Variants in FTO observed in about 807,000 individuals in gnomAD.
The protein encoded by FTO is alpha-ketoglutarate-dependent dioxygenase FTO.
In FTO, 47 loss-of-function variants were observed where a neutral mutation model predicts 63.9. The ratio of observed to expected loss-of-function variants is 0.74; its 90% CI spans 0.58 to 0.94. FTO has a LOEUF of 0.94. Ranked by LOEUF, FTO falls within the 40% of genes least tolerant of loss-of-function variation. FTO has a pLI of 0.00. For synonymous variants in FTO, 207 were observed against 224.4 expected, an observed-to-expected ratio of 0.92 and a Z score of 0.69; for missense variants, 562 against 618.1, an observed-to-expected ratio of 0.91 and a Z score of 0.96.
At chr16:53,892,204 T>C (rs1468281825) in intron 7 of FTO, among the ~76,000 whole-genome samples, 1 of 152,014 alleles carries the variant, frequency 6.6e-6, no homozygotes, top group East Asian at 1.9e-4. Flanking sequence ...TGGCAGTGGC[T>C]GGTTAGATTT....
intron 8 of FTO, among the ~76,000 whole-genome samples, chr16:54,005,767 T>C (rs1244342009): frequency 6.6e-6 from 1 of 152,192 alleles, no homozygotes; most frequent in Admixed American, 6.5e-5. Flanking sequence ...GGTTAACAAG[T>C]GGACTGGAGC....
chr16:53,719,364 TG>T (rs773050384), intron 1 of FTO, among the ~76,000 whole-genome samples: 1 of 151,326 alleles, frequency 6.6e-6, no homozygotes, highest in Non-Finnish European at 1.5e-5. Flanking sequence ...CCCGAGTAGC[TG>T]GGATTACAGG....
chr16:54,076,320 C>A (rs2085992228), intron 8 of FTO, among the ~76,000 whole-genome samples: 1 of 152,108 alleles, frequency 6.6e-6, no homozygotes, highest in Admixed American at 6.5e-5. Context: ...ACTGAGGAGT[C>A]AATAGATGAT....
chr16:54,082,664 C>T (rs1288539838), intron 8 of FTO, among the ~76,000 whole-genome samples: 8 of 152,152 alleles, frequency 5.3e-5, no homozygotes, highest in Non-Finnish European at 8.8e-5. Flanking sequence ...CATATTGCTT[C>T]TCATACAATT....
chr16:54,006,356 AG>A (rs879628785), intron 8 of FTO, among the ~76,000 whole-genome samples: 55 of 152,188 alleles, frequency 3.6e-4, no homozygotes, highest in Admixed American at 9.2e-4. Flanking sequence ...TGGATCAGAA[AG>A]ATTCTTTGCT....
intron 2 of FTO, among the ~76,000 whole-genome samples, chr16:53,819,824 C>T (rs755197053): frequency 1.3e-5 from 2 of 152,032 alleles, no homozygotes; most frequent in Non-Finnish European, 2.9e-5. Flanking sequence ...AGTTTTAGAA[C>T]ATTTTTAGCA....
chr16:53,797,992 T>C (rs1459412366), intron 1 of FTO, among the ~76,000 whole-genome samples: 1 of 152,242 alleles, frequency 6.6e-6, no homozygotes, highest in Admixed American at 6.5e-5. Flanking sequence ...TTTTGAGATA[T>C]TTTTGTGTAT....
rs910575633 is a variant in FTO, at chr16:54,118,398, C to T, written c.*6483C>T. 1 of 143,584 alleles carries T rather than the reference C, an allele frequency of 7.0e-6. No individual in the cohort carries two copies. Among genetic ancestry groups the T allele is most frequent in the Non-Finnish European group, 1.5e-5 (1 of 66,676 alleles). The allele number at this position is 143,584 out of a possible 1,614,324, so 8.9% of individuals were successfully genotyped here. A position where few individuals can be genotyped will look rare whatever the true frequency, so the allele number is the denominator to read the frequency against. On this transcript the variant is annotated 3_prime_UTR_variant, in exon 9 of 9. Transcript: ENST00000471389. The stretch of plus-strand genomic sequence containing the variant: ...TTTTTCAGACAGGGTCTCACCCTGT[C>T]ACGTAGGCTGGAGTGCAGTGGTGAG...
intron 8 of FTO, among the ~76,000 whole-genome samples, chr16:54,032,549 T>A (rs554325911): frequency 3.3e-5 from 5 of 152,196 alleles, no homozygotes. Flanking sequence ...ATATCCAAAG[T>A]ACACATCCAG....
chr16:53,703,978 T>C, upstream of FTO: 1 of 648,642 alleles, frequency 1.5e-6, no homozygotes, highest in Non-Finnish European at 2.8e-6. Flanking sequence ...CTCTTCCAGC[T>C]GTCGGACCTG....
chr16:53,844,019 T>C, intron 3 of FTO, 136 bp from the exon 4 acceptor site: 2 of 711,052 alleles, frequency 2.8e-6, no homozygotes, highest in Non-Finnish European at 4.6e-6. Context: ...TTTAAAAATA[T>C]GACATAAAGG....
intron 8 of FTO, among the ~76,000 whole-genome samples, chr16:53,978,052 AG>A (rs1412421177): frequency 1.3e-5 from 2 of 152,050 alleles, no homozygotes; most frequent in Non-Finnish European, 2.9e-5. Context: ...TTGTAGAGAT[AG>A]GGGTCTCACT....
intron 7 of FTO, among the ~76,000 whole-genome samples, chr16:53,891,171 T>C (rs1355023101): frequency 2.0e-5 from 3 of 151,948 alleles, no homozygotes; most frequent in Admixed American, 2.0e-4. Context: ...TGGTATTTTT[T>C]AGTAGAGATG....
chr16:53,957,446 C>T (rs865909084), intron 8 of FTO, among the ~76,000 whole-genome samples: 1 of 152,122 alleles, frequency 6.6e-6, no homozygotes, highest in Admixed American at 6.5e-5. Context: ...TACCATTGGA[C>T]GTTGTGGGAA....
At chr16:53,802,922 C>T (rs900959666) in intron 1 of FTO, among the ~76,000 whole-genome samples, 1 of 152,114 alleles carries the variant, frequency 6.6e-6, no homozygotes, top group Non-Finnish European at 1.5e-5. Context: ...CTCTACTTAC[C>T]ATGCTCAATC....
At chr16:53,818,075 T>C (rs1387865963) in intron 2 of FTO, among the ~76,000 whole-genome samples, 1 of 152,198 alleles carries the variant, frequency 6.6e-6, no homozygotes, top group Non-Finnish European at 1.5e-5. Flanking sequence ...ATGTTCTACA[T>C]GTACCTGTCC....
intron 7 of FTO, among the ~76,000 whole-genome samples, chr16:53,918,615 C>A (rs1230111611): frequency 6.6e-6 from 1 of 152,142 alleles, no homozygotes; most frequent in East Asian, 1.9e-4. Context: ...TCAAAATCAA[C>A]CCTAAAAGCT....
chr16:53,775,291 T>A (rs1295241214), intron 1 of FTO, among the ~76,000 whole-genome samples: 3 of 152,178 alleles, frequency 2.0e-5, no homozygotes, highest in Non-Finnish European at 4.4e-5. Flanking sequence ...CTTCCTTATT[T>A]CTTATATGGC....
intron 1 of FTO, among the ~76,000 whole-genome samples, chr16:53,802,102 G>T (rs1022818080): frequency 1.5e-4 from 23 of 152,040 alleles, no homozygotes; most frequent in Admixed American, 1.4e-3. Context: ...TGGGTACATA[G>T]TACCTTCATC....
Sources: allele counts gnomAD v4.1 joint callset (sites outside exome capture counted in the v4.1 genomes callset), GRCh38; gene constraint gnomAD v4.1.1; transcripts MANE v1.5; gene names NCBI Gene and HGNC (gene_info 2026-07-23, HGNC 2026-07-21).